The following SNX8 variants were observed in gnomAD, a reference collection of about 807,000 sequenced individuals.
The protein encoded by SNX8 is sorting nexin 8.
SNX8 carries 25 observed loss-of-function variants against 51.6 expected under a neutral mutation model. That is an observed-to-expected ratio of 0.48 (90% confidence interval 0.35 to 0.68). The LOEUF is 0.68. SNX8 is among the 30% of genes least tolerant of loss of function. The probability of loss-of-function intolerance (pLI) is 0.00; values close to 1 mark genes in which losing one functional copy is unlikely to be tolerated. For missense variants in SNX8, 695 were observed against 624.0 expected, an observed-to-expected ratio of 1.11 and a Z score of -1.21; for synonymous variants, 324 against 277.0, an observed-to-expected ratio of 1.17 and a Z score of -1.68.
chr7:2,322,330 G>A (rs537772310), intron 1 of SNX8, among the ~76,000 whole-genome samples: 35 of 152,138 alleles, frequency 2.3e-4, no homozygotes, highest in Non-Finnish European at 4.1e-4. Flanking sequence ...TCCAGGAGGT[G>A]GAAGCTACAG....
chr7:2,258,561 G>A (rs1003108677), intron 7 of SNX8, among the ~76,000 whole-genome samples: 1 of 152,202 alleles, frequency 6.6e-6, no homozygotes, highest in Non-Finnish European at 1.5e-5. Context: ...ACGCCCAGGA[G>A]GGGCACGGAG....
At chr7:2,288,794 T>C (rs1472515462) in intron 1 of SNX8, among the ~76,000 whole-genome samples, 2 of 152,190 alleles carry the variant, frequency 1.3e-5, no homozygotes, top group Non-Finnish European at 2.9e-5. Context: ...AGTGCAGTGA[T>C]GCAGTCACAG....
At chr7:2,298,246 T>C (rs1196167496) in intron 1 of SNX8, among the ~76,000 whole-genome samples, 1 of 152,014 alleles carries the variant, frequency 6.6e-6, no homozygotes, top group Non-Finnish European at 1.5e-5. Flanking sequence ...GACTCCCGAG[T>C]AGCCGGGGCT....
At chr7:2,341,097 G>GCCC (rs1488685540) in intron 1 of SNX8, among the ~76,000 whole-genome samples, 1 of 150,886 alleles carries the variant, frequency 6.6e-6, no homozygotes, top group Non-Finnish European at 1.5e-5. Context: ...TGGAGCCCAA[G>GCCC]TGGTTGGGGC....
chr7:2,314,234 CG>C, intron 1 of SNX8, 93 bp downstream of exon 1: 1 of 1,190,168 alleles, frequency 8.4e-7, no homozygotes, highest in Non-Finnish European at 1.0e-6. Flanking sequence ...GGAAACGAGT[CG>C]GGGACCAAGC....
intron 1 of SNX8, among the ~76,000 whole-genome samples, chr7:2,329,528 G>T (rs1778691017): frequency 6.6e-6 from 1 of 152,056 alleles, no homozygotes; most frequent in Admixed American, 6.6e-5. Context: ...TAGGCCTCGG[G>T]CAGCCTCTGA....
intron 7 of SNX8, among the ~76,000 whole-genome samples, chr7:2,258,265 C>A (rs1378826053): frequency 2.6e-5 from 4 of 152,128 alleles, no homozygotes; most frequent in Admixed American, 2.6e-4. Context: ...ATCCGCCCGC[C>A]TCGGCCTCCC....
intron 1 of SNX8, among the ~76,000 whole-genome samples, chr7:2,296,211 G>A (rs565534787): frequency 1.4e-4 from 22 of 152,022 alleles, no homozygotes; most frequent in South Asian, 6.2e-4. Flanking sequence ...CCCTGAGCAC[G>A]GGATGTTTTT....
rs1192610656 is a variant in SNX8 at position 2,332,806 on chromosome 7, A to AAGAAAGAAAG, written c.-66+21406_-66+21415dup. Among the ~76,000 whole-genome samples the AAGAAAGAAAG allele has an allele frequency of 5.0e-3, 746 of 149,154 alleles. 5 individuals are homozygous for AAGAAAGAAAG. The highest frequency in any genetic ancestry group is 0.018 in the African/African-American group (717 of 40,680). Reference sequence around the variant, plus strand: ...GGGAAAGAAGGAAGGGAAGGAAGAAAAGAAAGAAAGAGAAAGAAAGGAAGG... The same window carrying AAGAAAGAAAG: ...GGGAAAGAAGGAAGGGAAGGAAGAAAAGAAAGAAAGAGAAAGAAAGAGAAAGAAAGGAAGG... On this transcript the variant is annotated intron_variant, in intron 1 of 5. Transcript: ENST00000435336.
chr7:2,330,137 T>C (rs1259013863), intron 1 of SNX8, among the ~76,000 whole-genome samples: 1 of 120,778 alleles, frequency 8.3e-6, no homozygotes, highest in African/African-American at 3.1e-5. Context: ...GGCCCTTTTT[T>C]CTTTTTTTTT....
chr7:2,316,552 A>C (rs1383300929), upstream of SNX8, among the ~76,000 whole-genome samples: 1,125 of 40,496 alleles, frequency 0.028, no homozygotes, highest in Middle Eastern at 0.06. Flanking sequence ...CATTCACACA[A>C]CCACTCACTC....
intron 5 of SNX8, among the ~76,000 whole-genome samples, chr7:2,268,926 T>C (rs868573232): frequency 9.6e-4 from 93 of 97,222 alleles, no homozygotes; most frequent in Middle Eastern, 5.0e-3. Context: ...CCCCCCTGCC[T>C]GGCCAGCCGC....
At chr7:2,338,428 C>G (rs1441852380) in intron 1 of SNX8, among the ~76,000 whole-genome samples, 9 of 150,450 alleles carry the variant, frequency 6.0e-5, no homozygotes, top group Non-Finnish European at 1.3e-4. Context: ...TGCCACTGCA[C>G]TCTAGCCTGG....
upstream of SNX8, among the ~76,000 whole-genome samples, chr7:2,317,017 G>A (rs1184594726): frequency 6.6e-6 from 1 of 152,140 alleles, no homozygotes; most frequent in Non-Finnish European, 1.5e-5. Flanking sequence ...CCGCAGAAGA[G>A]GGTGAAGGGT....
chr7:2,282,205 C>T (rs562962749), intron 1 of SNX8, among the ~76,000 whole-genome samples: 8 of 152,192 alleles, frequency 5.3e-5, no homozygotes, highest in South Asian at 2.1e-4. Context: ...CAGATCTACC[C>T]ACTAAAACTC....
intron 1 of SNX8, among the ~76,000 whole-genome samples, chr7:2,329,048 T>G (rs1778681384): frequency 6.7e-6 from 1 of 150,336 alleles, no homozygotes; most frequent in African/African-American, 2.4e-5. Context: ...ATCACGCCAC[T>G]GCACTCCAGC....
At chr7:2,314,587 C>T, upstream of SNX8, 1 of 618,376 alleles carries the variant, frequency 1.6e-6, no homozygotes, top group Non-Finnish European at 2.1e-6. Flanking sequence ...CCCGGCCTCG[C>T]CACGCCTACA....
intron 2 of SNX8, 42 bp from the exon 3 acceptor site, chr7:2,275,271 T>G (rs1398674911): frequency 2.9e-6 from 4 of 1,376,204 alleles, no homozygotes; most frequent in Admixed American, 1.7e-5. Flanking sequence ...CGTTGGAAAC[T>G]ATGCTGTCGC....
intron 1 of SNX8, among the ~76,000 whole-genome samples, chr7:2,344,699 A>G (rs539800976): frequency 1.2e-3 from 177 of 152,202 alleles, no homozygotes; most frequent in African/African-American, 4.0e-3. Flanking sequence ...CAAGCAGATC[A>G]TTTAAGTTCA....
Sources: gnomAD v4.1 joint callset for allele counts (sites outside exome capture counted in the v4.1 genomes callset) on GRCh38, gnomAD v4.1.1 for gene constraint, MANE v1.5 for transcripts, NCBI Gene and HGNC (gene_info 2026-07-23, HGNC 2026-07-21) for gene names.